Variants in EP400 observed in about 807,000 individuals in gnomAD.
EP400 encodes E1A binding protein p400.
In EP400, 105 loss-of-function variants were observed where a neutral mutation model predicts 354.1. The observed-to-expected ratio is 0.30, with a 90% CI of 0.25 to 0.35. The LOEUF (loss-of-function observed/expected upper bound fraction) is 0.35, where lower values mean the gene tolerates loss of function less well. Ranked by LOEUF, EP400 falls within the 10% of genes least tolerant of loss-of-function variation. EP400 has a pLI of 1.00. For synonymous variants in EP400, 1,646 were observed against 1,716.9 expected (o/e 0.96, Z 1.02); for missense variants, 3,280 against 4,121.0 (o/e 0.80, Z 5.59).
chr12:132,052,163 G>A lies in EP400; in HGVS notation c.7395-983G>A, dbSNP rs1248606524. On this transcript the variant is annotated intron_variant, in intron 41 of 52. Transcript: ENST00000389561. The surrounding 1 kb of genome is among the most constrained non-coding windows in gnomAD (Gnocchi z 4.4). ...TAATCATATCTAAGATCTATATCTGGTATAACTATTCTTGTTTTATATTTT... is the reference window on the plus strand; with the variant it reads ...TAATCATATCTAAGATCTATATCTGATATAACTATTCTTGTTTTATATTTT... Among the ~76,000 whole-genome samples the A allele has an allele frequency of 2.0e-5, 3 of 152,178 alleles. No individual in the cohort carries two copies. Among genetic ancestry groups the A allele is most frequent in the South Asian group, 2.1e-4 (1 of 4,822 alleles).
At chr12:131,979,060 C>CA (rs1214558099) in intron 2 of EP400, among the ~76,000 whole-genome samples, 1 of 151,710 alleles carries the variant, frequency 6.6e-6, no homozygotes, top group South Asian at 2.1e-4. Flanking sequence ...ACTAAAAATT[C>CA]AAAAAAACTA....
At chr12:131,972,651 AAGC>A (rs1249154417) in intron 2 of EP400, among the ~76,000 whole-genome samples, 1 of 152,032 alleles carries the variant, frequency 6.6e-6, no homozygotes, top group Non-Finnish European at 1.5e-5. Context: ...GAACCGTTCT[AAGC>A]AGAAATTTTT....
In EP400 at chr12:132,062,310, C is replaced by T. The variant is rs750958741; in HGVS notation, c.8085C>T (p.Pro2695=). Residue 2695 remains proline (P), a synonymous_variant, in exon 46 of 53, where the codon CCC becomes CCT. Transcript: ENST00000389561. The stretch of plus-strand genomic sequence containing the variant: ...AGACCCCGGCACGGTCTTTGGTGCC[C>T]CAAGTGTCCCAAGGTAAAGCCAGGC... ...PVQTPARSLV[P]QVSQATGVQL... is the part of the protein sequence containing the mutation. 1.9e-6 allele frequency: 3 copies of T among 1,614,074 alleles called. No individual in the cohort carries two copies. The highest frequency in any genetic ancestry group is 1.1e-5 in the South Asian group (1 of 91,094).
At chr12:132,007,149 CTG>C (rs1401076169) in intron 15 of EP400, among the ~76,000 whole-genome samples, 1 of 152,240 alleles carries the variant, frequency 6.6e-6, no homozygotes, top group Non-Finnish European at 1.5e-5. Flanking sequence ...GGTCAGGTCA[CTG>C]TGCAGTGTGT....
At chr12:132,000,385 GACCAGTTTATAA>G (rs1275214771) in intron 12 of EP400, among the ~76,000 whole-genome samples, 6 of 152,108 alleles carry the variant, frequency 3.9e-5, no homozygotes, top group Non-Finnish European at 5.9e-5. Context: ...GTTTTGAATG[GACCAGTTTATAA>G]ACATTCCATA....
Position 132,050,740 on chromosome 12 carries a change from G to T in EP400, c.7394+85G>T. ...CTAAGTTCAGTGAGTTCAGCAAATCGTTGTGCACTTAGCGTGTTCAGGCAT... is the reference window on the plus strand; with the variant it reads ...CTAAGTTCAGTGAGTTCAGCAAATCTTTGTGCACTTAGCGTGTTCAGGCAT... On this transcript the variant is annotated intron_variant, in intron 41 of 52. Transcript: ENST00000389561. This position sits in a 1 kb window ranked among gnomAD's most constrained non-coding sequence, Gnocchi z 4.8. The T allele has an allele frequency of 9.7e-6, 15 of 1,540,198 alleles. No individual in the cohort carries two copies. The highest frequency in any genetic ancestry group is 1.3e-5 in the Non-Finnish European group (15 of 1,115,176).
rs570076237 is a variant in EP400, at chr12:132,064,823, G to A, written c.8490G>A (p.Thr2830=). The change falls in exon 48 of 53, where the codon ACG becomes ACA. Residue 2830 remains threonine, a synonymous_variant. Transcript: ENST00000389561. ...QQQSPQLTTV[T]APRPGALLTG... ...AGAGCCCCCAGCTCACGACGGTCAC[G>A]GCCCCAAGGCCTGGTGCCCTGCTGA... 59 of 1,612,382 alleles carry A rather than the reference G, an allele frequency of 3.7e-5. 1 individual carries two copies. The Middle Eastern group carries it at 6.7e-4, about 18-fold the overall frequency.
At position 131,961,038 on chromosome 12, in the gene EP400, G is replaced by C. The variant is rs745575279; in HGVS notation, c.419G>C (p.Ser140Thr). The stretch of plus-strand genomic sequence containing the variant: ...CAGACCCAGAGTCCCACGCAGCCCA[G>C]TCCGGGGCCGGGGCAGGCCTTGCAG... ...QVQTQSPTQPSPGPGQALQNV... is the reference protein window; with the variant it reads ...QVQTQSPTQPTPGPGQALQNV... Residue 140 changes from serine (S) to threonine (T), a missense_variant, in exon 2 of 53, where the codon AGT (serine) becomes ACT (threonine). Transcript: ENST00000389561. The C allele has an allele frequency of 1.4e-5, 23 of 1,588,426 alleles. No homozygotes were observed. Among genetic ancestry groups the C allele is most frequent in the Non-Finnish European group, 1.9e-5 (22 of 1,167,880 alleles).
intron 7 of EP400, 116 bp downstream of exon 7, chr12:131,988,006 T>C (rs1892909916): frequency 5.5e-6 from 5 of 911,518 alleles, no homozygotes; most frequent in South Asian, 2.8e-5. Flanking sequence ...TTTTTTTTTT[T>C]TTCCCCCAGA....
intron 25 of EP400, among the ~76,000 whole-genome samples, chr12:132,026,403 C>G (rs1350494575): frequency 6.6e-6 from 1 of 152,188 alleles, no homozygotes; most frequent in Non-Finnish European, 1.5e-5. Flanking sequence ...CCAGCCCCAC[C>G]TTTGCATAGT....
At chr12:131,958,600 C>A (rs945246149) in intron 1 of EP400, among the ~76,000 whole-genome samples, 5 of 152,160 alleles carry the variant, frequency 3.3e-5, no homozygotes, top group Non-Finnish European at 7.4e-5. Context: ...TTCATTGCAG[C>A]ATCGATTTCC....
chr12:131,975,376 T>C (rs1028566852), intron 2 of EP400, among the ~76,000 whole-genome samples: 2 of 152,188 alleles, frequency 1.3e-5, no homozygotes, highest in African/African-American at 4.8e-5. Context: ...GAACACTGTG[T>C]GAGCGTGGGT....
At position 132,078,800 on chromosome 12, in the gene EP400, A is replaced by C. The variant is rs1204244802; in HGVS notation, c.*1127A>C. ...GGTTCTGCCAGTGAAGCAGAGAACC[A>C]CCTGTGCTGTTGTGGAAGGCGTGCC... On this transcript the variant is annotated 3_prime_UTR_variant, in exon 53 of 53. Coordinates refer to ENST00000389561, the MANE Select transcript of EP400 (RefSeq NM_015409.5). 1 of 152,220 alleles carries C rather than the reference A, an allele frequency of 6.6e-6. No individual in the cohort carries two copies. The highest frequency in any genetic ancestry group is 6.5e-5 in the Admixed American group (1 of 15,284). The allele number at this position is 152,220 out of a possible 1,614,324, so 9.4% of individuals were successfully genotyped here.
intron 5 of EP400, among the ~76,000 whole-genome samples, chr12:131,982,943 C>T (rs1314165201): frequency 1.3e-5 from 2 of 148,842 alleles, no homozygotes; most frequent in African/African-American, 5.0e-5. Flanking sequence ...GCACTCCAGC[C>T]TGGGTGACAG....
chr12:131,986,723 C>T lies in EP400; in HGVS notation c.2139C>T (p.Ala713=), dbSNP rs943947605. 9 of 1,614,066 alleles carry T rather than the reference C, an allele frequency of 5.6e-6. No homozygotes were observed. The highest frequency in any genetic ancestry group is 6.8e-6 in the Non-Finnish European group (8 of 1,180,034). Residue 713 remains alanine (A), a synonymous_variant, in exon 6 of 53, where the codon GCC becomes GCT. Transcript: ENST00000389561. ...GGACCCCAGGGGTGGTGGCATCTGC[C>T]CCCACCAAACCACAGAGTCCTGCTC... ...TSRTPGVVAS[A]PTKPQSPAQN... is the part of the protein sequence containing the mutation.
intron 2 of EP400, among the ~76,000 whole-genome samples, chr12:131,971,210 A>G (rs79960320): frequency 0.027 from 4,163 of 152,284 alleles, 78 homozygotes; most frequent in Non-Finnish European, 0.044. Context: ...TCTCTTAAAA[A>G]AAAAAGATTC....
At chr12:131,978,447 T>G (rs1012682235) in intron 2 of EP400, among the ~76,000 whole-genome samples, 2 of 152,186 alleles carry the variant, frequency 1.3e-5, no homozygotes, top group Non-Finnish European at 2.9e-5. Context: ...CTCTATAGTT[T>G]TGCCTTTTCC....
chr12:131,962,308 T>C (rs2081199927), intron 2 of EP400, among the ~76,000 whole-genome samples: 1 of 152,226 alleles, frequency 6.6e-6, no homozygotes, highest in African/African-American at 2.4e-5. Flanking sequence ...TGTGGTTTGT[T>C]GGCTGACGCT....
rs758451282 is a variant in EP400, at chr12:132,044,322, C to T, written c.6585+11C>T. ...GATGCCTACAGCATGGTACCCGGCC[C>T]GGGGCCCTCCTGCCCTCTTGCCCCC... On this transcript the variant is annotated intron_variant, in intron 35 of 52. Transcript: ENST00000389561. 9.3e-6 allele frequency: 15 copies of T among 1,608,992 alleles called. No homozygotes were observed. The highest frequency in any genetic ancestry group is 6.7e-5 in the Admixed American group (4 of 59,822).
Sources: allele counts gnomAD v4.1 joint callset (sites outside exome capture counted in the v4.1 genomes callset), GRCh38; gene constraint gnomAD v4.1.1; non-coding constraint Gnocchi (gnomAD v3.1); transcripts MANE v1.5; gene names NCBI Gene and HGNC (gene_info 2026-07-23, HGNC 2026-07-21).